The following INPP4B variants were observed in gnomAD, a reference collection of about 807,000 sequenced individuals.
INPP4B encodes the protein inositol polyphosphate 4-phosphatase type II.
A neutral mutation model predicts 122.5 loss-of-function variants in INPP4B; 55 were observed. That is an observed-to-expected ratio of 0.45 (90% CI 0.36 to 0.56). INPP4B has a LOEUF of 0.56. Among genes scored for constraint, INPP4B ranks in the 20% least tolerant of loss-of-function variants. The probability of loss-of-function intolerance (pLI) is 0.00; values close to 1 mark genes in which losing one functional copy is unlikely to be tolerated. For synonymous variants in INPP4B, 403 were observed against 388.7 expected (o/e 1.04, Z -0.43); for missense variants, 1,000 against 1,097.7 (o/e 0.91, Z 1.26).
At chr4:142,473,926 G>A (rs1467031299) in intron 2 of INPP4B, among the ~76,000 whole-genome samples, 1 of 151,382 alleles carries the variant, frequency 6.6e-6, no homozygotes, top group Middle Eastern at 3.2e-3. Flanking sequence ...CCTTGCCTTG[G>A]ATAGCCAGGT....
chr4:142,355,951 T>C (rs2148454617), intron 7 of INPP4B, among the ~76,000 whole-genome samples: 1 of 151,360 alleles, frequency 6.6e-6, no homozygotes, highest in South Asian at 2.1e-4. Flanking sequence ...CAGAATTCAA[T>C]AAGATTACCT....
intron 25 of INPP4B, among the ~76,000 whole-genome samples, chr4:142,061,429 A>G (rs1760571353): frequency 6.6e-6 from 1 of 152,220 alleles, no homozygotes; most frequent in East Asian, 1.9e-4. Flanking sequence ...TTGACTTTTA[A>G]GAGAATAACA....
intron 2 of INPP4B, among the ~76,000 whole-genome samples, chr4:142,555,885 A>AAAT (rs1729058820): frequency 6.6e-6 from 1 of 151,494 alleles, no homozygotes; most frequent in South Asian, 2.1e-4. Flanking sequence ...AAAAAAAAAA[A>AAAT]AATTAAAAAG....
chr4:142,515,128 A>G (rs139315341), intron 2 of INPP4B, among the ~76,000 whole-genome samples: 1 of 152,300 alleles, frequency 6.6e-6, no homozygotes, highest in East Asian at 1.9e-4. Context: ...ATGTATATAA[A>G]GATCTTAGTA....
intron 7 of INPP4B, among the ~76,000 whole-genome samples, chr4:142,399,311 C>T (rs1800845339): frequency 6.8e-6 from 1 of 147,262 alleles, no homozygotes; most frequent in Non-Finnish European, 1.5e-5. Flanking sequence ...ATTCTCCTGC[C>T]TCAGCCTCCT....
intron 1 of INPP4B, among the ~76,000 whole-genome samples, chr4:142,808,150 C>T (rs73850568): frequency 0.03 from 4,592 of 151,936 alleles, 227 homozygotes; most frequent in African/African-American, 0.1. Context: ...AAAAACAAGC[C>T]ATCCATCCAC....
chr4:142,302,166 C>G (rs944856195), intron 9 of INPP4B, among the ~76,000 whole-genome samples: 1 of 152,004 alleles, frequency 6.6e-6, no homozygotes, highest in African/African-American at 2.4e-5. Flanking sequence ...GCCTTCAATC[C>G]CCCCTTAAAC....
chr4:142,379,644 T>C (rs1399018569), intron 7 of INPP4B, among the ~76,000 whole-genome samples: 2 of 152,204 alleles, frequency 1.3e-5, no homozygotes, highest in Non-Finnish European at 2.9e-5. Context: ...CTTACAGTAA[T>C]TAAAAGCTAT....
intron 1 of INPP4B, among the ~76,000 whole-genome samples, chr4:142,769,971 G>A (rs1290566850): frequency 2.0e-5 from 3 of 152,020 alleles, no homozygotes; most frequent in African/African-American, 4.8e-5. Flanking sequence ...GGACCCACAC[G>A]TTGGGTATTA....
chr4:142,812,957 T>A (rs779701221), intron 1 of INPP4B, among the ~76,000 whole-genome samples: 3 of 152,218 alleles, frequency 2.0e-5, no homozygotes, highest in Admixed American at 1.3e-4. Flanking sequence ...ATGATCAACA[T>A]TGAATTTATA....
At chr4:142,687,171 G>T (rs10020322) in intron 2 of INPP4B, among the ~76,000 whole-genome samples, 17,566 of 151,992 alleles carry the variant, frequency 0.12, 1,092 homozygotes, top group African/African-American at 0.15. Flanking sequence ...TGAATTGACC[G>T]ACTGACGAGG....
chr4:142,652,425 A>C (rs1753174333), intron 2 of INPP4B, among the ~76,000 whole-genome samples: 1 of 152,144 alleles, frequency 6.6e-6, no homozygotes, highest in African/African-American at 2.4e-5. Flanking sequence ...AGAGGAAGTC[A>C]AATTGTCCCT....
chr4:142,708,676 T>G (rs10001142), intron 2 of INPP4B, among the ~76,000 whole-genome samples: 28,033 of 152,078 alleles, frequency 0.18, 2,784 homozygotes, highest in African/African-American at 0.25. Flanking sequence ...TGCCTAGATT[T>G]CAGAGAATGT....
intron 11 of INPP4B, among the ~76,000 whole-genome samples, chr4:142,246,585 T>C (rs999299942): frequency 2.0e-5 from 3 of 152,334 alleles, no homozygotes; most frequent in African/African-American, 7.2e-5. Context: ...ACTCAAGATT[T>C]GGCTCTCTGT....
chr4:142,264,329 G>A (rs1741732606), intron 10 of INPP4B, among the ~76,000 whole-genome samples: 1 of 152,166 alleles, frequency 6.6e-6, no homozygotes, highest in African/African-American at 2.4e-5. Flanking sequence ...AACAGGATTT[G>A]CTGACATACT....
At chr4:142,281,970 A>G (rs568085596) in intron 9 of INPP4B, among the ~76,000 whole-genome samples, 1 of 152,214 alleles carries the variant, frequency 6.6e-6, no homozygotes, top group South Asian at 2.1e-4. Context: ...AGCACTTACT[A>G]GTACTATTAA....
rs55700762 is a variant in INPP4B at position 142,644,740 on chromosome 4, TAAAAAAA to T, written c.-191+81092_-191+81098del. Among the ~76,000 whole-genome samples the T allele has an allele frequency of 1.2e-3, 86 of 71,066 alleles. 2 individuals are homozygous for T. In the Middle Eastern group the frequency reaches 0.043, roughly 36 times the overall value. 46.6% of individuals were successfully genotyped at this position (71,066 alleles called of 152,430 possible). A position where few individuals can be genotyped will look rare whatever the true frequency, so the allele number is the denominator to read the frequency against. On this transcript the variant is annotated intron_variant, in intron 2 of 25. Transcript: ENST00000262992. ...AACATGGCAAAACCCCATCTCTACT[TAAAAAAA>T]AAAAAAAAAAAAAAAAAAAATTGGC...
intron 1 of INPP4B, among the ~76,000 whole-genome samples, chr4:142,761,659 G>A (rs1041687337): frequency 6.6e-6 from 1 of 152,142 alleles, no homozygotes; most frequent in African/African-American, 2.4e-5. Flanking sequence ...CCAAGCACTT[G>A]TGATATTTGT....
intron 2 of INPP4B, among the ~76,000 whole-genome samples, chr4:142,521,935 G>A (rs926118747): frequency 6.6e-6 from 1 of 152,012 alleles, no homozygotes; most frequent in Non-Finnish European, 1.5e-5. Flanking sequence ...TTGGTATTGA[G>A]AAATAATTTA....
Sources: gnomAD v4.1 joint callset for allele counts (sites outside exome capture counted in the v4.1 genomes callset) on GRCh38, gnomAD v4.1.1 for gene constraint, MANE v1.5 for transcripts, NCBI Gene and HGNC (gene_info 2026-07-23, HGNC 2026-07-21) for gene names.